The following PCDH7 variants were observed in gnomAD, a reference collection of about 807,000 sequenced individuals.
PCDH7 encodes protocadherin-7.
A neutral mutation model predicts 58.9 loss-of-function variants in PCDH7; 17 were observed. The observed-to-expected ratio is 0.29, with a 90% confidence interval of 0.20 to 0.43. The LOEUF is 0.43. Ranked by LOEUF, PCDH7 falls within the 20% of genes least tolerant of loss-of-function variation. The pLI is 1.00. For synonymous variants in PCDH7, 664 were observed against 616.4 expected (o/e 1.08, Z -1.14); for missense variants, 1,274 against 1,441.0 (o/e 0.88, Z 1.88).
At chr4:30,909,745 A>G (rs528706854) in intron 1 of PCDH7, among the ~76,000 whole-genome samples, 1 of 152,342 alleles carries the variant, frequency 6.6e-6, no homozygotes, top group African/African-American at 2.4e-5. Flanking sequence ...ACATGGCCAT[A>G]CTGACCAAAG....
intron 3 of PCDH7, among the ~76,000 whole-genome samples, chr4:31,021,746 C>T (rs909189544): frequency 1.3e-5 from 2 of 151,790 alleles, no homozygotes; most frequent in South Asian, 2.1e-4. Context: ...TCCAGAGACA[C>T]GAGTGTCTCT....
intron 3 of PCDH7, among the ~76,000 whole-genome samples, chr4:31,103,489 C>A (rs561023618): frequency 3.9e-4 from 59 of 152,130 alleles, no homozygotes; most frequent in African/African-American, 1.4e-3. Flanking sequence ...TGCATGCCAC[C>A]AAGGCTAGCC....
Position 30,720,937 on chromosome 4 carries a change from G to A in PCDH7, c.-486G>A, listed in dbSNP as rs1182226692. The A allele has an allele frequency of 6.4e-6, 1 of 157,092 alleles. No individual in the cohort carries two copies. Among genetic ancestry groups the A allele is most frequent in the African/African-American group, 2.4e-5 (1 of 41,648 alleles). The allele number at this position is 157,092 out of a possible 1,614,324, so 9.7% of individuals were successfully genotyped here. A position where few individuals can be genotyped will look rare whatever the true frequency, so the allele number is the denominator to read the frequency against. ...ACTCGAGTAGCAGCAAAGACCAGCG[G>A]GCTGGCAGGCGGGGGAGGCTGCAGG... is the stretch of plus-strand genomic sequence containing the variant. On this transcript the variant is annotated 5_prime_UTR_variant, in exon 1 of 2. Coordinates refer to ENST00000361762, the Ensembl canonical transcript of PCDH7. This position sits in a 1 kb window ranked among gnomAD's most constrained non-coding sequence, Gnocchi z 4.7.
chr4:30,891,546 C>T (rs964740409), intron 1 of PCDH7, among the ~76,000 whole-genome samples: 20 of 151,978 alleles, frequency 1.3e-4, no homozygotes, highest in African/African-American at 4.8e-4. Context: ...AAGACTTTCT[C>T]TTCCCCTTAA....
intron 3 of PCDH7, among the ~76,000 whole-genome samples, chr4:31,005,372 G>T (rs1462178427): frequency 1.3e-5 from 2 of 152,188 alleles, no homozygotes; most frequent in African/African-American, 4.8e-5. Context: ...TGCCACAGGG[G>T]CAGTGGTAGC....
chr4:30,791,757 G>C (rs1021107439), intron 1 of PCDH7, among the ~76,000 whole-genome samples: 2 of 152,158 alleles, frequency 1.3e-5, no homozygotes, highest in African/African-American at 2.4e-5. Context: ...AAAGGAAACT[G>C]TGAAAGCCAA....
chr4:31,000,472 T>C (rs1257643969), intron 3 of PCDH7, among the ~76,000 whole-genome samples: 1 of 152,094 alleles, frequency 6.6e-6, no homozygotes, highest in African/African-American at 2.4e-5. Context: ...AAATAGGCAG[T>C]TTAAAAGATC....
intron 1 of PCDH7, among the ~76,000 whole-genome samples, chr4:30,759,184 C>T (rs531259931): frequency 3.2e-4 from 48 of 152,152 alleles, no homozygotes; most frequent in South Asian, 1.2e-3. Context: ...TCAGGCCATC[C>T]GCCCGCCCTG....
At chr4:31,129,548 G>A (rs962850891) in intron 3 of PCDH7, among the ~76,000 whole-genome samples, 8 of 152,102 alleles carry the variant, frequency 5.3e-5, no homozygotes, top group South Asian at 2.1e-4. Flanking sequence ...GTTTATGGAG[G>A]AGAGTTTTAA....
chr4:30,811,761 A>G (rs1002216671), intron 1 of PCDH7, among the ~76,000 whole-genome samples: 1 of 152,210 alleles, frequency 6.6e-6, no homozygotes, highest in African/African-American at 2.4e-5. Context: ...AAAGTGTCCC[A>G]TCAAGGCAAA....
intron 1 of PCDH7, among the ~76,000 whole-genome samples, chr4:30,788,697 A>C (rs1311045723): frequency 1.3e-5 from 2 of 152,132 alleles, no homozygotes; most frequent in African/African-American, 2.4e-5. Context: ...TTAGACACTT[A>C]AGATAAACAG....
chr4:30,822,534 A>G (rs1455956155), intron 1 of PCDH7, among the ~76,000 whole-genome samples: 1 of 152,140 alleles, frequency 6.6e-6, no homozygotes, highest in Non-Finnish European at 1.5e-5. Context: ...TAGCTACTTT[A>G]CATTCCTGTG....
chr4:31,144,593 G>A (rs981936937), downstream of PCDH7: 1 of 152,154 alleles, frequency 6.6e-6, no homozygotes, highest in Non-Finnish European at 1.5e-5. Flanking sequence ...GTAGTTTCAT[G>A]CTTTGCAGAA....
chr4:30,736,570 C>G (rs189139965), downstream of PCDH7, among the ~76,000 whole-genome samples: 1 of 142,480 alleles, frequency 7.0e-6, no homozygotes, highest in East Asian at 2.1e-4. Flanking sequence ...GGGTCTCGCT[C>G]TGCCGCCGGG....
chr4:31,052,827 G>A (rs901592276), intron 3 of PCDH7, among the ~76,000 whole-genome samples: 2 of 152,132 alleles, frequency 1.3e-5, no homozygotes, highest in African/African-American at 4.8e-5. Context: ...CTAAGGAGAA[G>A]AGTAAATGAA....
chr4:31,005,918 G>A (rs1752734714), intron 3 of PCDH7, among the ~76,000 whole-genome samples: 1 of 152,142 alleles, frequency 6.6e-6, no homozygotes, highest in African/African-American at 2.4e-5. Context: ...AAATTCCTGG[G>A]TTGCAGCCCA....
chr4:30,805,156 A>G (rs1726021328), intron 1 of PCDH7, among the ~76,000 whole-genome samples: 1 of 152,154 alleles, frequency 6.6e-6, no homozygotes, highest in South Asian at 2.1e-4. Flanking sequence ...CTCTGGTTCT[A>G]ATAGATGTCT....
At chr4:31,055,497 G>T (rs916983267) in intron 3 of PCDH7, among the ~76,000 whole-genome samples, 5 of 152,068 alleles carry the variant, frequency 3.3e-5, no homozygotes, top group Non-Finnish European at 5.9e-5. Context: ...AACTCCAAAT[G>T]GCATTCACCT....
intron 1 of PCDH7, among the ~76,000 whole-genome samples, chr4:30,797,363 C>T (rs1035641950): frequency 2.0e-5 from 3 of 151,818 alleles, no homozygotes; most frequent in African/African-American, 4.8e-5. Flanking sequence ...AGTTCCGCCT[C>T]CCGGGTTCAC....
Sources: gnomAD v4.1 joint callset for allele counts (sites outside exome capture counted in the v4.1 genomes callset) on GRCh38, gnomAD v4.1.1 for gene constraint, Gnocchi (gnomAD v3.1) non-coding constraint, MANE v1.5 for transcripts, NCBI Gene and HGNC (gene_info 2026-07-23, HGNC 2026-07-21) for gene names.